RNF157: variants seen among roughly 807,000 people sequenced by gnomAD.
The protein encoded by RNF157 is ring finger protein 157.
RNF157 carries 55 observed loss-of-function variants against 88.3 expected under a neutral mutation model. That is an observed-to-expected ratio of 0.62 (90% CI 0.50 to 0.78). The LOEUF (loss-of-function observed/expected upper bound fraction) is 0.78, where lower values mean the gene tolerates loss of function less well. Among genes scored for constraint, RNF157 ranks in the 30% least tolerant of loss-of-function variants. RNF157 has a pLI of 0.00. For synonymous variants in RNF157, 334 were observed against 341.2 expected (o/e 0.98, Z 0.23); for missense variants, 788 against 860.8 (o/e 0.92, Z 1.06).
At chr17:76,167,932 T>C in intron 3 of RNF157, 135 bp from the exon 4 acceptor site, 1 of 865,082 alleles carries the variant, frequency 1.2e-6, no homozygotes, top group Non-Finnish European at 1.8e-6. Context: ...TTCTGAATGA[T>C]CACAGAGTGC....
chr17:76,182,503 T>A, intron 2 of RNF157, among the ~76,000 whole-genome samples: 1 of 147,384 alleles, frequency 6.8e-6, no homozygotes, highest in South Asian at 2.1e-4. Context: ...TGTCCTAGAT[T>A]TTTTTTTTTA....
At chr17:76,205,416 G>T (rs1429345609) in intron 2 of RNF157, among the ~76,000 whole-genome samples, 1 of 152,100 alleles carries the variant, frequency 6.6e-6, no homozygotes, top group East Asian at 1.9e-4. Flanking sequence ...ATAGGGATAA[G>T]CCGCCATGCC....
chr17:76,234,739 C>G (rs1385982007), intron 1 of RNF157, among the ~76,000 whole-genome samples: 4 of 152,032 alleles, frequency 2.6e-5, no homozygotes, highest in South Asian at 2.1e-4. Flanking sequence ...CATATGAGTT[C>G]CTTATATATT....
chr17:76,209,299 AGTCATTCATAG>A (rs1419096787), intron 2 of RNF157, among the ~76,000 whole-genome samples: 24 of 152,180 alleles, frequency 1.6e-4, no homozygotes, highest in African/African-American at 5.8e-4. Flanking sequence ...GAAAGAGCTC[AGTCATTCATAG>A]GTCGGCATAG....
rs79483022 is a variant in RNF157 at position 76,194,450 on chromosome 17, A to G, written c.207+17914T>C. On this transcript the variant is annotated intron_variant, in intron 2 of 18. Coordinates refer to ENST00000269391, the MANE Select transcript of RNF157 (RefSeq NM_052916.3). ...TGGTGGGAAGGGCGGTAAATTCACT[A>G]GAGCCTGAGATGACTCTGCAGGCTC... is the stretch of plus-strand genomic sequence containing the variant. Among the ~76,000 whole-genome samples, 187 of 152,334 alleles carry G rather than the reference A, an allele frequency of 1.2e-3. 4 individuals are homozygous for G. In the East Asian group the frequency reaches 0.035, roughly 29 times the overall value.
chr17:76,155,610 A>C lies in RNF157; in HGVS notation c.1650T>G (p.Ala550=), dbSNP rs150633713. The part of the protein sequence containing the change: ...IAPGTEEEGE[A]LSSPQPASRA... ...TGCTGGCAGGCTGGGGGGAAGAGAGAGCCTCTCCCTCCTCTTCAGTGCCAG... is the reference window on the plus strand; with the variant it reads ...TGCTGGCAGGCTGGGGGGAAGAGAGCGCCTCTCCCTCCTCTTCAGTGCCAG... The change falls in exon 15 of 19, where the codon GCT becomes GCG. Residue 550 remains alanine (A), a synonymous_variant. Transcript: ENST00000269391. 1.7e-3 allele frequency: 2,721 copies of C among 1,613,380 alleles called. 67 individuals carry two copies. The South Asian group carries it at 0.024, about 14-fold the overall frequency.
chr17:76,227,469 T>C (rs1020911812), intron 1 of RNF157, among the ~76,000 whole-genome samples: 2 of 152,092 alleles, frequency 1.3e-5, no homozygotes, highest in African/African-American at 4.8e-5. Context: ...TACTAGCAAG[T>C]ACTACACGGG....
intron 2 of RNF157, among the ~76,000 whole-genome samples, chr17:76,206,560 G>C (rs903384779): frequency 2.6e-5 from 4 of 152,184 alleles, no homozygotes; most frequent in Non-Finnish European, 5.9e-5. Context: ...AGCACTTTGG[G>C]AGGCCGAGGT....
intron 1 of RNF157, among the ~76,000 whole-genome samples, chr17:76,235,617 C>T (rs912093208): frequency 6.6e-6 from 1 of 152,126 alleles, no homozygotes; most frequent in South Asian, 2.1e-4. Context: ...ATTATCCATG[C>T]CTTTAAAAAC....
At chr17:76,202,128 T>TCTCTCTCTCTCACACACACACACA (rs1250661867) in intron 2 of RNF157, among the ~76,000 whole-genome samples, 1 of 134,602 alleles carries the variant, frequency 7.4e-6, no homozygotes, top group African/African-American at 3.1e-5. Flanking sequence ...TCTCTCTCTC[T>TCTCTCTCTCTCACACACACACACA]CACACACACA....
intron 1 of RNF157, among the ~76,000 whole-genome samples, chr17:76,239,065 A>G (rs1249239739): frequency 1.3e-5 from 2 of 152,182 alleles, no homozygotes; most frequent in African/African-American, 2.4e-5. Flanking sequence ...TATTCTACCA[A>G]AAAGAGACGA....
Position 76,240,098 on chromosome 17 carries a change from ACCCCTG to A in RNF157, c.88+49_88+54del, listed in dbSNP as rs569288646. On this transcript the variant is annotated intron_variant, in intron 1 of 18. Coordinates refer to ENST00000269391, the MANE Select transcript of RNF157 (RefSeq NM_052916.3). The surrounding 1 kb of genome is among the most constrained non-coding windows in gnomAD (Gnocchi z 4.4). Reference sequence around the variant, plus strand: ...GCCCCCTCAGGCCGTCCCGACCCAGACCCCTGCCCCTGCCCCTCTCCCTCCTCGCGG... The same window carrying A: ...GCCCCCTCAGGCCGTCCCGACCCAGACCCCTGCCCCTCTCCCTCCTCGCGG... 1.2e-5 allele frequency: 13 copies of A among 1,109,404 alleles called. No homozygotes were observed. Among genetic ancestry groups the A allele is most frequent in the African/African-American group, 1.6e-5 (1 of 60,650 alleles). The allele number at this position is 1,109,404 out of a possible 1,614,324, so 68.7% of individuals were successfully genotyped here.
At chr17:76,170,386 G>A (rs2068995442) in intron 3 of RNF157, among the ~76,000 whole-genome samples, 1 of 152,072 alleles carries the variant, frequency 6.6e-6, no homozygotes. Context: ...GCACTACCAT[G>A]CTTGGCTAAT....
intron 2 of RNF157, among the ~76,000 whole-genome samples, chr17:76,210,426 T>TAAAA (rs1432456397): frequency 6.6e-6 from 1 of 150,908 alleles, no homozygotes; most frequent in Non-Finnish European, 1.5e-5. Flanking sequence ...CCGTCTCTAC[T>TAAAA]AAAAATACAA....
Position 76,240,398 on chromosome 17 carries a change from C to G in RNF157, c.-158G>C, listed in dbSNP as rs1049476625. The G allele has an allele frequency of 6.1e-5, 10 of 163,744 alleles. No individual in the cohort carries two copies. Among genetic ancestry groups the G allele is most frequent in the Non-Finnish European group, 1.2e-4 (10 of 82,016 alleles). 10.1% of individuals were successfully genotyped at this position (163,744 alleles called of 1,614,324 possible). On this transcript the variant is annotated 5_prime_UTR_variant, in exon 1 of 19. Transcript: ENST00000269391. This position sits in a 1 kb window ranked among gnomAD's most constrained non-coding sequence, Gnocchi z 4.4. ...CTCTGGCGGCGGGGAGCCCCCGGCGCGCCGCGCACCATCCTCCGCCGGGCA... is the reference window on the plus strand; with the variant it reads ...CTCTGGCGGCGGGGAGCCCCCGGCGGGCCGCGCACCATCCTCCGCCGGGCA...
chr17:76,230,362 G>T (rs1175816558), intron 1 of RNF157, among the ~76,000 whole-genome samples: 1 of 152,102 alleles, frequency 6.6e-6, no homozygotes, highest in African/African-American at 2.4e-5. Context: ...CACTTCTCTG[G>T]TCACCCAGGC....
In RNF157 at chr17:76,176,897, C is replaced by A. The variant is rs1234222824; in HGVS notation, c.208-3107G>T. 6.6e-6 allele frequency among the ~76,000 whole-genome samples: 1 copy of A among 152,178 alleles called. No individual in the cohort carries two copies. ...CCTGGCCATTGGCGCAGCCACTGTG[C>A]CCACCCTGCCGAGGGTGCCAGGTTC... On this transcript the variant is annotated intron_variant, in intron 2 of 18. Transcript: ENST00000269391. The surrounding 1 kb of genome is among the most constrained non-coding windows in gnomAD (Gnocchi z 4.2).
chr17:76,147,134 T>C lies in RNF157; in HGVS notation c.1922-1781A>G, dbSNP rs906190613. On this transcript the variant is annotated intron_variant, in intron 18 of 18. Transcript: ENST00000269391. Reference sequence around the variant, plus strand: ...GGGACATGAGTCAAGGTGTTTTTTTTCACCTCTAATGGTGGCACTATGTGT... The same window carrying C: ...GGGACATGAGTCAAGGTGTTTTTTTCCACCTCTAATGGTGGCACTATGTGT... The C allele has an allele frequency of 8.2e-5, 81 of 985,188 alleles. No homozygotes were observed. In the African/African-American group the frequency reaches 1.2e-3, roughly 15 times the overall value. The allele number at this position is 985,188 out of a possible 1,614,324, so 61.0% of individuals were successfully genotyped here.
chr17:76,212,248 T>C, intron 2 of RNF157, 116 bp downstream of exon 2: 1 of 729,474 alleles, frequency 1.4e-6, no homozygotes, highest in Admixed American at 2.0e-5. Flanking sequence ...AGTGCATCTC[T>C]CTCAACTCAG....
Sources: gnomAD v4.1 joint callset for allele counts (sites outside exome capture counted in the v4.1 genomes callset) on GRCh38, gnomAD v4.1.1 for gene constraint, Gnocchi (gnomAD v3.1) non-coding constraint, MANE v1.5 for transcripts, NCBI Gene and HGNC (gene_info 2026-07-23, HGNC 2026-07-21) for gene names.